Variants in PPP1R12B observed in about 807,000 individuals in gnomAD.
PPP1R12B encodes myosin phosphatase target subunit 2.
PPP1R12B carries 76 observed loss-of-function variants against 126.1 expected under a neutral mutation model. The ratio of observed to expected loss-of-function variants is 0.60; its 90% CI spans 0.50 to 0.73. The LOEUF is 0.73. Ranked by LOEUF, PPP1R12B falls within the 30% of genes least tolerant of loss-of-function variation. The pLI, the probability that PPP1R12B is intolerant of heterozygous loss-of-function variation, is 0.00. For missense variants in PPP1R12B, 1,052 were observed against 1,205.1 expected, an observed-to-expected ratio of 0.87 and a Z score of 1.88; for synonymous variants, 356 against 434.7, an observed-to-expected ratio of 0.82 and a Z score of 2.25.
intron 1 of PPP1R12B, 124 bp downstream of exon 1, chr1:202,349,266 G>T: frequency 1.7e-6 from 2 of 1,169,602 alleles, no homozygotes; most frequent in Admixed American, 2.8e-5. Context: ...CTGCCCTTTT[G>T]GGCTAATCGG....
At chr1:202,424,159 G>A (rs1669180126) in intron 3 of PPP1R12B, among the ~76,000 whole-genome samples, 1 of 152,098 alleles carries the variant, frequency 6.6e-6, no homozygotes, top group South Asian at 2.1e-4. Context: ...TCTTCAATGA[G>A]GGAACATACT....
At chr1:202,451,548 GAA>G (rs1296662286) in intron 13 of PPP1R12B, among the ~76,000 whole-genome samples, 3 of 151,352 alleles carry the variant, frequency 2.0e-5, no homozygotes, top group African/African-American at 7.3e-5. Flanking sequence ...AGAACAAAAT[GAA>G]AAGTCTCCCA....
chr1:202,409,288 C>G (rs1667070701), intron 1 of PPP1R12B, among the ~76,000 whole-genome samples: 1 of 151,194 alleles, frequency 6.6e-6, no homozygotes, highest in South Asian at 2.1e-4. Flanking sequence ...TTTACATTCC[C>G]CTGAGCAGTG....
chr1:202,424,382 G>A (rs1229878200), intron 3 of PPP1R12B, among the ~76,000 whole-genome samples: 2 of 150,466 alleles, frequency 1.3e-5, no homozygotes, highest in Admixed American at 1.3e-4. Context: ...GGAGTGCAGT[G>A]GCGCAATCCC....
Position 202,530,412 on chromosome 1 carries a change from G to A in PPP1R12B, c.2491-28465G>A, listed in dbSNP as rs1224218109. Among the ~76,000 whole-genome samples the A allele has an allele frequency of 2.6e-5, 4 of 152,166 alleles. No homozygotes were observed. The South Asian group carries it at 6.2e-4, about 24-fold the overall frequency. Reference sequence around the variant, plus strand: ...GGCCTACAAAAAAAGTGTGAAGGGGGAAAAGCTATGTTGTTCACATTAAAA... The same window carrying A: ...GGCCTACAAAAAAAGTGTGAAGGGGAAAAAGCTATGTTGTTCACATTAAAA... On this transcript the variant is annotated intron_variant, in intron 18 of 23. Transcript: ENST00000608999.
At chr1:202,559,670 G>A (rs1687321065) in intron 19 of PPP1R12B, among the ~76,000 whole-genome samples, 1 of 152,120 alleles carries the variant, frequency 6.6e-6, no homozygotes, top group Admixed American at 6.5e-5. Flanking sequence ...TGGGACTATA[G>A]GCCAAATGAG....
intron 12 of PPP1R12B, among the ~76,000 whole-genome samples, chr1:202,445,975 C>A (rs1291149073): frequency 6.6e-6 from 1 of 151,854 alleles, no homozygotes; most frequent in Non-Finnish European, 1.5e-5. Flanking sequence ...TGCAGGAACA[C>A]CAGTGATGGT....
At chr1:202,397,430 G>A (rs1440257360) in intron 1 of PPP1R12B, among the ~76,000 whole-genome samples, 1 of 151,950 alleles carries the variant, frequency 6.6e-6, no homozygotes, top group South Asian at 2.1e-4. Flanking sequence ...TCATAGCTTT[G>A]TGGTAGGTTG....
chr1:202,416,713 C>T (rs1668118517), intron 1 of PPP1R12B, 74 bp from the exon 2 acceptor site: 1 of 1,368,606 alleles, frequency 7.3e-7, no homozygotes, highest in Non-Finnish European at 1.0e-6. Context: ...ATTGTCAGTG[C>T]CCAGAGCAGT....
chr1:202,580,497 C>T lies in PPP1R12B; in HGVS notation c.2886C>T (p.Asp962=). 1 of 1,613,976 alleles carries T rather than the reference C, an allele frequency of 6.2e-7. No individual in the cohort carries two copies. The highest frequency in any genetic ancestry group is 1.3e-5 in the African/African-American group (1 of 75,036). Residue 962 remains aspartate (D), a synonymous_variant, in exon 24 of 24, where the codon GAC becomes GAT. Transcript: ENST00000608999. The part of the protein sequence containing the change: ...EMKVLTELKS[D]NQRLKDENGA... ...AGGTGTTAACAGAACTGAAATCCGACAACCAGAGGCTGAAAGATGAAAATG... is the reference window on the plus strand; with the variant it reads ...AGGTGTTAACAGAACTGAAATCCGATAACCAGAGGCTGAAAGATGAAAATG...
chr1:202,570,238 TCC>T (rs962512740), intron 23 of PPP1R12B, among the ~76,000 whole-genome samples: 60 of 152,158 alleles, frequency 3.9e-4, no homozygotes, highest in African/African-American at 1.4e-3. Context: ...TGAGCAAGCA[TCC>T]CTAATATGCA....
intron 13 of PPP1R12B, among the ~76,000 whole-genome samples, chr1:202,486,754 G>C (rs1572237581): frequency 6.6e-6 from 1 of 152,338 alleles, no homozygotes; most frequent in East Asian, 1.9e-4. Context: ...GCTACAGTCA[G>C]CTGTGATCAC....
Position 202,438,332 on chromosome 1 carries a change from G to A in PPP1R12B, c.1458+308G>A, listed in dbSNP as rs547236915. On this transcript the variant is annotated intron_variant, in intron 10 of 23. Coordinates refer to ENST00000608999, the MANE Select transcript of PPP1R12B (RefSeq NM_002481.4). ...ACATAAAAATTTCAGTATGGCGGAGGGGGGCACAGGACCCCAGGTAGGGGT... is the reference window on the plus strand; with the variant it reads ...ACATAAAAATTTCAGTATGGCGGAGAGGGGCACAGGACCCCAGGTAGGGGT... The A allele has an allele frequency of 1.0e-3, 1,249 of 1,236,652 alleles. 2 individuals are homozygous for A. The highest frequency in any genetic ancestry group is 2.2e-3 in the Admixed American group (113 of 50,378). The allele number at this position is 1,236,652 out of a possible 1,614,324, so 76.6% of individuals were successfully genotyped here.
chr1:202,449,161 G>A lies in PPP1R12B; in HGVS notation c.1840G>A (p.Glu614Lys), dbSNP rs1248736124. The part of the protein sequence containing the change: ...TGTDSSVEAR[E>K]KRRSYLTPVR... ...AACAGATTCCTCTGTGGAAGCCAGG[G>A]AGAAGAGGAGGTATGTTGAGTTACT... The change falls in exon 13 of 24, where the codon GAG (glutamate) becomes AAG (lysine). Residue 614 changes from glutamate to lysine, a missense_variant. Transcript: ENST00000608999. The A allele has an allele frequency of 6.2e-7, 1 of 1,601,986 alleles. No homozygotes were observed. Among genetic ancestry groups the A allele is most frequent in the East Asian group, 2.2e-5 (1 of 44,656 alleles).
At chr1:202,448,152 C>G (rs1166427645) in intron 12 of PPP1R12B, 1 of 152,012 alleles carries the variant, frequency 6.6e-6, no homozygotes, top group Non-Finnish European at 1.5e-5. Context: ...CTTTTCATTG[C>G]TTTCTCCATC....
chr1:202,437,912 A>T lies in PPP1R12B; in HGVS notation c.1346A>T (p.Asn449Ile). 1 of 1,613,834 alleles carries T rather than the reference A, an allele frequency of 6.2e-7. No homozygotes were observed. The highest frequency in any genetic ancestry group is 2.2e-5 in the East Asian group (1 of 44,872). ...RLGLRKTGSH[N>I]MLSEVANSRE... is the part of the protein sequence containing the mutation. ...GGACTGAGAAAAACTGGCAGCCACAACATGCTGAGTGAGGTGGCCAATTCC... is the reference window on the plus strand; with the variant it reads ...GGACTGAGAAAAACTGGCAGCCACATCATGCTGAGTGAGGTGGCCAATTCC... Residue 449 changes from asparagine (N) to isoleucine (I), a missense_variant, in exon 10 of 24, where the codon AAC (asparagine) becomes ATC (isoleucine). Physicochemically the swap from Asn to Ile is moderately radical, Grantham distance 149 (BLOSUM62 -3). Coordinates refer to ENST00000608999, the MANE Select transcript of PPP1R12B (RefSeq NM_002481.4).
At chr1:202,465,935 T>G (rs1674919914) in intron 13 of PPP1R12B, among the ~76,000 whole-genome samples, 1 of 152,224 alleles carries the variant, frequency 6.6e-6, no homozygotes, top group African/African-American at 2.4e-5. Context: ...TTCTTTATAA[T>G]GAAACTGACA....
chr1:202,566,147 TA>T (rs937441265), intron 21 of PPP1R12B, among the ~76,000 whole-genome samples: 10 of 152,194 alleles, frequency 6.6e-5, no homozygotes, highest in Non-Finnish European at 1.0e-4. Flanking sequence ...TCTTGACCTT[TA>T]GGGGTTCTCA....
At chr1:202,558,786 A>G (rs546629457) in intron 18 of PPP1R12B, 91 bp from the exon 19 acceptor site, 46 of 850,966 alleles carry the variant, frequency 5.4e-5, no homozygotes, top group Non-Finnish European at 8.2e-5. Context: ...AAGTGCATTT[A>G]TAGATGGAAA....
Sources: allele counts gnomAD v4.1 joint callset (sites outside exome capture counted in the v4.1 genomes callset), GRCh38; gene constraint gnomAD v4.1.1; transcripts MANE v1.5; gene names NCBI Gene and HGNC (gene_info 2026-07-23, HGNC 2026-07-21).